STXBP6: variants seen among roughly 807,000 people sequenced by gnomAD.
STXBP6 encodes syntaxin binding protein 6, also known as syntaxin-binding protein 6.
In STXBP6, 21 loss-of-function variants were observed where a neutral mutation model predicts 26.9. The observed-to-expected ratio is 0.78, with a 90% CI of 0.55 to 1.12. The LOEUF (loss-of-function observed/expected upper bound fraction) is 1.12. STXBP6 is among the 50% of genes most tolerant of loss of function. The pLI is 0.00. For synonymous variants in STXBP6, 97 were observed against 92.6 expected (o/e 1.05, Z -0.27); for missense variants, 232 against 257.9 (o/e 0.90, Z 0.69).
chr14:24,965,175 G>A (rs998816681), intron 2 of STXBP6, among the ~76,000 whole-genome samples: 12 of 151,926 alleles, frequency 7.9e-5, no homozygotes, highest in Non-Finnish European at 1.5e-4. Flanking sequence ...TCAGGAGTGG[G>A]ACACAGACTG....
At chr14:25,031,154 ACTTGGTTCTCCC>A (rs2075447128) in intron 1 of STXBP6, among the ~76,000 whole-genome samples, 1 of 152,224 alleles carries the variant, frequency 6.6e-6, no homozygotes, top group African/African-American at 2.4e-5. Context: ...CAAAGCCATC[ACTTGGTTCTCCC>A]CTTGTACTGA....
rs143754729 is a variant in STXBP6 at position 25,000,952 on chromosome 14, G to T, written c.-32-26102C>A. On this transcript the variant is annotated intron_variant, in intron 1 of 5. Coordinates refer to ENST00000323944, the MANE Select transcript of STXBP6 (RefSeq NM_001394410.1). ...TGGACAATTTCCCCTCTATCTTTGGGTCTTCATTTGGAAGGCTCCTGCTTG... is the reference window on the plus strand; with the variant it reads ...TGGACAATTTCCCCTCTATCTTTGGTTCTTCATTTGGAAGGCTCCTGCTTG... Among the ~76,000 whole-genome samples, 264 of 152,106 alleles carry T rather than the reference G, an allele frequency of 1.7e-3. 1 individual carries two copies. Among genetic ancestry groups the T allele is most frequent in the African/African-American group, 6.2e-3 (256 of 41,518 alleles).
At chr14:25,008,229 T>C (rs2074948781) in intron 1 of STXBP6, among the ~76,000 whole-genome samples, 1 of 152,150 alleles carries the variant, frequency 6.6e-6, no homozygotes, top group South Asian at 2.1e-4. Flanking sequence ...TTTGGCCAGG[T>C]ATGGTGGCTC....
At chr14:24,853,316 C>T (rs1254887031) in intron 4 of STXBP6, among the ~76,000 whole-genome samples, 4 of 152,010 alleles carry the variant, frequency 2.6e-5, no homozygotes, top group South Asian at 2.1e-4. Context: ...GAAGACTAAT[C>T]GGCATACTAA....
intron 4 of STXBP6, among the ~76,000 whole-genome samples, chr14:24,853,556 C>A (rs542122568): frequency 6.6e-6 from 1 of 152,030 alleles, no homozygotes; most frequent in Admixed American, 6.6e-5. Flanking sequence ...TTAGGAATTA[C>A]AGACTTTCAA....
At chr14:24,887,502 G>A (rs1272302307) in intron 2 of STXBP6, among the ~76,000 whole-genome samples, 1 of 152,104 alleles carries the variant, frequency 6.6e-6, no homozygotes, top group African/African-American at 2.4e-5. Context: ...AACATTAATG[G>A]AGGCTTCCAT....
intron 2 of STXBP6, among the ~76,000 whole-genome samples, chr14:24,879,975 A>G (rs1310718843): frequency 6.6e-6 from 1 of 151,884 alleles, no homozygotes; most frequent in East Asian, 1.9e-4. Flanking sequence ...CTTGGTGTAT[A>G]CTCCCTTTCG....
intron 2 of STXBP6, among the ~76,000 whole-genome samples, chr14:24,931,961 G>A (rs1158365807): frequency 1.3e-5 from 2 of 152,154 alleles, no homozygotes; most frequent in African/African-American, 2.4e-5. Context: ...CTGAGGATAC[G>A]TAGAGGTCCA....
chr14:24,842,650 T>C (rs929339875), intron 4 of STXBP6, among the ~76,000 whole-genome samples: 2 of 151,566 alleles, frequency 1.3e-5, no homozygotes, highest in African/African-American at 4.9e-5. Flanking sequence ...GCAAAGGTAA[T>C]ACTTACTTTT....
At chr14:24,848,972 C>T (rs1418566069) in intron 4 of STXBP6, among the ~76,000 whole-genome samples, 2 of 152,102 alleles carry the variant, frequency 1.3e-5, no homozygotes, top group Admixed American at 1.3e-4. Context: ...TGCTGAATGT[C>T]ATGTCCCTAA....
intron 2 of STXBP6, among the ~76,000 whole-genome samples, chr14:24,973,101 G>A (rs1261001143): frequency 1.3e-5 from 2 of 152,280 alleles, no homozygotes; most frequent in African/African-American, 2.4e-5. Flanking sequence ...CTGGGCAACA[G>A]AGTGAGACCC....
intron 1 of STXBP6, among the ~76,000 whole-genome samples, chr14:25,016,976 A>G (rs565359556): frequency 1.1e-4 from 16 of 152,334 alleles, no homozygotes; most frequent in African/African-American, 2.6e-4. Context: ...TGTATAGTAC[A>G]TAGTGCGGAG....
At chr14:24,813,896 G>C (rs1297148298) in intron 5 of STXBP6, among the ~76,000 whole-genome samples, 5 of 152,178 alleles carry the variant, frequency 3.3e-5, no homozygotes, top group Non-Finnish European at 7.3e-5. Context: ...CACCAGCAAA[G>C]ACAGGGTCAA....
intron 2 of STXBP6, among the ~76,000 whole-genome samples, chr14:24,920,577 A>C (rs2071944004): frequency 6.6e-6 from 1 of 151,926 alleles, no homozygotes. Context: ...TTGTTTTTGA[A>C]TAAAACCCAG....
intron 1 of STXBP6, among the ~76,000 whole-genome samples, chr14:25,011,490 A>G (rs1180799824): frequency 6.6e-6 from 1 of 152,200 alleles, no homozygotes. Flanking sequence ...AATAAGAGCT[A>G]ATGTTGTTCA....
chr14:25,035,152 C>CAAAA (rs1168180231), intron 1 of STXBP6, among the ~76,000 whole-genome samples: 1 of 77,962 alleles, frequency 1.3e-5, no homozygotes, highest in East Asian at 3.6e-4. Context: ...ACTCTGTCTC[C>CAAAA]AAAAAAAAAA....
At chr14:24,881,096 T>G (rs1187613704) in intron 2 of STXBP6, among the ~76,000 whole-genome samples, 3 of 152,174 alleles carry the variant, frequency 2.0e-5, no homozygotes, top group Non-Finnish European at 4.4e-5. Context: ...TCCAGTGAGC[T>G]GTCCAGAGGT....
chr14:25,002,316 G>C (rs2074778949), intron 1 of STXBP6, among the ~76,000 whole-genome samples: 1 of 147,288 alleles, frequency 6.8e-6, no homozygotes, highest in African/African-American at 2.5e-5. Flanking sequence ...ATTTTTTAAA[G>C]TTAATTTATG....
chr14:24,992,842 TATG>T (rs1426083680), intron 1 of STXBP6, among the ~76,000 whole-genome samples: 1 of 152,114 alleles, frequency 6.6e-6, no homozygotes, highest in Non-Finnish European at 1.5e-5. Context: ...ACTTGATGAG[TATG>T]ATAACAGAAG....
Sources: gnomAD v4.1 joint callset for allele counts (sites outside exome capture counted in the v4.1 genomes callset) on GRCh38, gnomAD v4.1.1 for gene constraint, MANE v1.5 for transcripts, NCBI Gene and HGNC (gene_info 2026-07-23, HGNC 2026-07-21) for gene names.